Variants in WAPL observed in about 807,000 individuals in gnomAD.
WAPL encodes the protein wings apart-like protein homolog.
In WAPL, 5 loss-of-function variants were observed where a neutral mutation model predicts 121.0. That is an observed-to-expected ratio of 0.04 (90% CI 0.02 to 0.09). The LOEUF (loss-of-function observed/expected upper bound fraction) is 0.09. Ranked by LOEUF, WAPL falls within the 10% of genes least tolerant of loss-of-function variation. The probability of loss-of-function intolerance (pLI) is 1.00; values close to 1 mark genes in which losing one functional copy is unlikely to be tolerated. For missense variants in WAPL, 999 were observed against 1,410.8 expected, an observed-to-expected ratio of 0.71 and a Z score of 4.68; for synonymous variants, 480 against 481.5, an observed-to-expected ratio of 1.00 and a Z score of 0.04.
chr10:86,493,076 AT>A (rs1842081381), intron 4 of WAPL, among the ~76,000 whole-genome samples: 2 of 151,728 alleles, frequency 1.3e-5, no homozygotes, highest in Non-Finnish European at 1.5e-5. Flanking sequence ...AAAAAAAAAA[AT>A]TCAGGACCAA....
intron 11 of WAPL, among the ~76,000 whole-genome samples, 162 bp downstream of exon 11, chr10:86,460,237 T>G (rs542626520): frequency 1.1e-4 from 17 of 152,240 alleles, no homozygotes; most frequent in Non-Finnish European, 2.4e-4. Flanking sequence ...TCATTTAGCT[T>G]GTTTATTAAC....
In WAPL at chr10:86,472,594, C is replaced by T; in HGVS notation, c.1893+18G>A. On this transcript the variant is annotated intron_variant, in intron 6 of 18. Coordinates refer to ENST00000298767, the MANE Select transcript of WAPL (RefSeq NM_015045.5). This position sits in a 1 kb window ranked among gnomAD's most constrained non-coding sequence, Gnocchi z 4.2. ...AAAATCTATCAACATGCAGTAAACA[C>T]TGTATATGGCTGCTTACTTCTTTGT... 6.2e-7 allele frequency: 1 copy of T among 1,607,092 alleles called. No homozygotes were observed. The highest frequency in any genetic ancestry group is 1.7e-4 in the Middle Eastern group (1 of 5,996).
chr10:86,490,213 CA>C (rs140799916), intron 4 of WAPL, among the ~76,000 whole-genome samples: 11,294 of 141,238 alleles, frequency 0.08, 453 homozygotes, highest in Middle Eastern at 0.14. Context: ...GACTCCATCT[CA>C]AAAAAAAAAA....
intron 2 of WAPL, among the ~76,000 whole-genome samples, chr10:86,510,607 T>C (rs1034036417): frequency 5.9e-5 from 9 of 152,318 alleles, no homozygotes; most frequent in African/African-American, 2.2e-4. Context: ...TTTGTTAATA[T>C]ACAAACCTTG....
chr10:86,483,617 CAGA>C (rs769315540), intron 4 of WAPL, among the ~76,000 whole-genome samples: 2 of 151,644 alleles, frequency 1.3e-5, no homozygotes, highest in Admixed American at 6.6e-5. Context: ...GGAGTTATTC[CAGA>C]AGAAGGCTGG....
At chr10:86,519,488 A>T (rs1485828581) in intron 1 of WAPL, among the ~76,000 whole-genome samples, 2 of 151,480 alleles carry the variant, frequency 1.3e-5, no homozygotes, top group Non-Finnish European at 2.9e-5. Context: ...ATATAAATTC[A>T]GTAGTAGACC....
intron 4 of WAPL, among the ~76,000 whole-genome samples, chr10:86,477,990 G>A (rs1841698124): frequency 6.6e-6 from 1 of 151,660 alleles, no homozygotes; most frequent in Non-Finnish European, 1.5e-5. Context: ...GGGAGGCGGA[G>A]GTTGCAGTGA....
intron 16 of WAPL, 55 bp from the exon 17 acceptor site, chr10:86,443,418 C>G: frequency 6.8e-7 from 1 of 1,469,510 alleles, no homozygotes; most frequent in Non-Finnish European, 9.4e-7. Context: ...ACAAACCTCA[C>G]AAAACCAACC....
At chr10:86,498,309 T>C (rs1244453873) in intron 3 of WAPL, among the ~76,000 whole-genome samples, 1 of 152,218 alleles carries the variant, frequency 6.6e-6, no homozygotes, top group Non-Finnish European at 1.5e-5. Flanking sequence ...CTGTTCTGCC[T>C]AGCCAGATCT....
chr10:86,512,214 T>C (rs757640286), intron 2 of WAPL, among the ~76,000 whole-genome samples: 5 of 152,214 alleles, frequency 3.3e-5, no homozygotes, highest in African/African-American at 1.2e-4. Context: ...CAGTTCTAAA[T>C]CCAAGTTCAA....
chr10:86,498,246 C>T (rs144734192), intron 3 of WAPL, among the ~76,000 whole-genome samples: 125 of 152,254 alleles, frequency 8.2e-4, no homozygotes, highest in African/African-American at 2.6e-3. Context: ...AGGACAAGGG[C>T]GCTGGTATTG....
intron 16 of WAPL, among the ~76,000 whole-genome samples, chr10:86,444,830 T>C (rs1182731534): frequency 3.5e-5 from 5 of 144,626 alleles, no homozygotes; most frequent in African/African-American, 1.3e-4. Flanking sequence ...GTCTGTGAAT[T>C]CTATCTCAAT....
rs77560469 is a variant in WAPL, at chr10:86,520,536, T to C, written c.-23+829A>G. ...ATCGTTTCCCACAATAAAATGTCTT[T>C]GCAATGGCATTATCTAAGCGTAAAG... On this transcript the variant is annotated intron_variant, in intron 1 of 18. Coordinates refer to ENST00000298767, the MANE Select transcript of WAPL (RefSeq NM_015045.5). Among the ~76,000 whole-genome samples, 174 of 152,252 alleles carry C rather than the reference T, an allele frequency of 1.1e-3. 5 individuals are homozygous for C. In the East Asian group the frequency reaches 0.032, roughly 28 times the overall value.
At chr10:86,455,175 G>C (rs1037806799) in intron 12 of WAPL, among the ~76,000 whole-genome samples, 1 of 152,224 alleles carries the variant, frequency 6.6e-6, no homozygotes, top group Non-Finnish European at 1.5e-5. Flanking sequence ...CCGCCACCCC[G>C]TCTGGGAGGT....
At chr10:86,483,133 C>G (rs908595651) in intron 4 of WAPL, among the ~76,000 whole-genome samples, 1 of 152,140 alleles carries the variant, frequency 6.6e-6, no homozygotes, top group Non-Finnish European at 1.5e-5. Context: ...GGGTACAGTA[C>G]ATACATGCCA....
intron 3 of WAPL, among the ~76,000 whole-genome samples, chr10:86,498,866 C>G (rs1842195928): frequency 6.6e-6 from 1 of 152,212 alleles, no homozygotes; most frequent in Non-Finnish European, 1.5e-5. Flanking sequence ...TAAATTTCCA[C>G]AGTTAAGAGG....
intron 4 of WAPL, among the ~76,000 whole-genome samples, chr10:86,493,029 C>CA (rs1842080019): frequency 6.7e-6 from 1 of 148,444 alleles, no homozygotes; most frequent in Non-Finnish European, 1.5e-5. Flanking sequence ...CCACTGCACT[C>CA]GAGCCTGGGT....
intron 4 of WAPL, among the ~76,000 whole-genome samples, chr10:86,495,596 T>A (rs1235421655): frequency 6.6e-6 from 1 of 151,964 alleles, no homozygotes; most frequent in Non-Finnish European, 1.5e-5. Context: ...TAGACAAAAA[T>A]GTATGTAACA....
At position 86,460,946 on chromosome 10, in the gene WAPL, C is replaced by T. The variant is rs536529078; in HGVS notation, c.2482+230G>A. On this transcript the variant is annotated intron_variant, in intron 10 of 18. Transcript: ENST00000298767. Reference sequence around the variant, plus strand: ...CAGGCTGGTCTCAAACTCCCGACCTCAGGTGATCCGCCCGCCTTGGCCTCC... The same window carrying T: ...CAGGCTGGTCTCAAACTCCCGACCTTAGGTGATCCGCCCGCCTTGGCCTCC... Among the ~76,000 whole-genome samples the T allele has an allele frequency of 2.5e-3, 374 of 152,318 alleles. 1 individual carries two copies. Among genetic ancestry groups the T allele is most frequent in the Non-Finnish European group, 4.4e-3 (296 of 68,020 alleles).
Sources: allele counts gnomAD v4.1 joint callset (sites outside exome capture counted in the v4.1 genomes callset), GRCh38; gene constraint gnomAD v4.1.1; non-coding constraint Gnocchi (gnomAD v3.1); transcripts MANE v1.5; gene names NCBI Gene and HGNC (gene_info 2026-07-23, HGNC 2026-07-21).